MROH1: variants seen among roughly 807,000 people sequenced by gnomAD.
The protein encoded by MROH1 is maestro heat-like repeat-containing protein family member 1.
Under a neutral mutation model 116.5 loss-of-function variants are expected in MROH1, and 117 were observed. The ratio of observed to expected loss-of-function variants is 1.00; its 90% CI spans 0.86 to 1.17. MROH1 has a LOEUF of 1.17. MROH1 is among the 50% of genes most tolerant of loss of function. MROH1 has a pLI of 0.00. For synonymous variants in MROH1, 921 were observed against 583.9 expected (o/e 1.58, Z -8.32); for missense variants, 1,873 against 1,338.5 (o/e 1.40, Z -6.23).
intron 1 of MROH1, among the ~76,000 whole-genome samples, chr8:144,151,832 A>G (rs1816873638): frequency 6.6e-6 from 1 of 152,202 alleles, no homozygotes; most frequent in Non-Finnish European, 1.5e-5. Flanking sequence ...AGCAATTCGC[A>G]CCAACGTCAC....
intron 14 of MROH1, among the ~76,000 whole-genome samples, chr8:144,229,514 G>T (rs1221767311): frequency 2.0e-5 from 3 of 151,578 alleles, no homozygotes; most frequent in Non-Finnish European, 4.4e-5. Flanking sequence ...TGAGTAGCTG[G>T]GACTACAGGC....
rs894732784 is a variant in MROH1, at chr8:144,152,555, A to T, written c.-177+4479A>T. 2.2e-3 allele frequency among the ~76,000 whole-genome samples: 289 copies of T among 130,566 alleles called. 1 individual carries two copies. The highest frequency in any genetic ancestry group is 4.6e-3 in the Admixed American group (59 of 12,964). The allele number at this position is 130,566 out of a possible 152,430, so 85.7% of individuals were successfully genotyped here. ...AGGCGTGTGAAAAATTATTATTATT[A>T]TTTTTTTTTTTGAGACAGTCTCGCT... On this transcript the variant is annotated intron_variant, in intron 1 of 43. Coordinates refer to ENST00000326134, the MANE Select transcript of MROH1 (RefSeq NM_032450.3).
chr8:144,239,873 T>C, intron 18 of MROH1, 118 bp downstream of exon 18: 1 of 678,112 alleles, frequency 1.5e-6, no homozygotes, highest in Non-Finnish European at 2.7e-6. Flanking sequence ...CAATGGGGAC[T>C]AGGGTTGTAT....
intron 33 of MROH1, chr8:144,251,978 C>T: frequency 4.3e-6 from 1 of 230,206 alleles, no homozygotes. Flanking sequence ...CCCATCCTTC[C>T]TCTGCCGGGC....
In MROH1 at chr8:144,186,748, C is replaced by T. The variant is rs1032555612; in HGVS notation, c.563-4036C>T. Among the ~76,000 whole-genome samples, 27 of 152,188 alleles carry T rather than the reference C, an allele frequency of 1.8e-4. 1 individual carries two copies. Among genetic ancestry groups the T allele is most frequent in the Admixed American group, 1.4e-3 (21 of 15,276 alleles). ...TGGGAGGGTGGGCCCTCACACTGATCGACATAAGAAGGGAAACCACATGGC... is the reference window on the plus strand; with the variant it reads ...TGGGAGGGTGGGCCCTCACACTGATTGACATAAGAAGGGAAACCACATGGC... On this transcript the variant is annotated intron_variant, in intron 7 of 43. Coordinates refer to ENST00000326134, the MANE Select transcript of MROH1 (RefSeq NM_032450.3).
intron 12 of MROH1, among the ~76,000 whole-genome samples, chr8:144,212,561 T>G (rs1272680197): frequency 1.3e-5 from 2 of 149,010 alleles, no homozygotes; most frequent in African/African-American, 2.5e-5. Context: ...CCTCAGAGAT[T>G]TTTACCTCTC....
intron 43 of MROH1, 55 bp from the exon 44 acceptor site, chr8:144,261,600 G>A: frequency 1.4e-6 from 1 of 701,256 alleles, no homozygotes; most frequent in Non-Finnish European, 2.6e-6. Flanking sequence ...CCCACGCGCA[G>A]GCATGGGCAT....
intron 12 of MROH1, among the ~76,000 whole-genome samples, chr8:144,206,787 C>T (rs576804352): frequency 2.6e-5 from 4 of 151,192 alleles, no homozygotes; most frequent in African/African-American, 9.7e-5. Flanking sequence ...AATCCCAGAA[C>T]TTTGCGAGGC....
Position 144,190,778 on chromosome 8 carries a change from T to C in MROH1, c.563-6T>C, listed in dbSNP as rs375779930. The C allele has an allele frequency of 4.3e-6, 7 of 1,612,094 alleles. No homozygotes were observed. Among genetic ancestry groups the C allele is most frequent in the Non-Finnish European group, 5.9e-6 (7 of 1,178,846 alleles). ...TGCAGCCACTTACCACTGGCCGGTT[T>C]TGTAGCTCTGCAGCGCTTCAGCGAG... is the stretch of plus-strand genomic sequence containing the variant. On this transcript the variant is annotated splice_polypyrimidine_tract_variant and splice_region_variant and intron_variant, in intron 7 of 43. Transcript: ENST00000326134.
intron 3 of MROH1, among the ~76,000 whole-genome samples, chr8:144,165,125 A>AC (rs1820484440): frequency 6.9e-6 from 1 of 145,888 alleles, no homozygotes; most frequent in South Asian, 2.2e-4. Context: ...CACCCAGCTA[A>AC]TTTTTTTTTT....
intron 8 of MROH1, 63 bp from the exon 9 acceptor site, chr8:144,191,652 C>T: frequency 6.3e-7 from 1 of 1,586,460 alleles, no homozygotes; most frequent in Non-Finnish European, 8.6e-7. Context: ...GCTTGCTGGA[C>T]ATGCTCTGAG....
intron 1 of MROH1, among the ~76,000 whole-genome samples, chr8:144,154,211 C>T (rs1817520425): frequency 6.6e-6 from 1 of 151,968 alleles, no homozygotes; most frequent in African/African-American, 2.4e-5. Flanking sequence ...ATTACAGGCA[C>T]GTGCCACCAC....
chr8:144,252,909 T>C (rs1459711522), intron 33 of MROH1, among the ~76,000 whole-genome samples: 11 of 151,908 alleles, frequency 7.2e-5, no homozygotes, highest in African/African-American at 2.7e-4. Context: ...TGAGCCATGA[T>C]TGGGCCATTG....
intron 3 of MROH1, among the ~76,000 whole-genome samples, chr8:144,167,426 G>A (rs1467733613): frequency 1.5e-5 from 2 of 129,198 alleles, no homozygotes; most frequent in African/African-American, 3.7e-5. Flanking sequence ...TGGAGTGGCC[G>A]GTTGTTGGGT....
intron 7 of MROH1, among the ~76,000 whole-genome samples, chr8:144,187,955 C>T (rs1459465016): frequency 6.6e-6 from 1 of 151,954 alleles, no homozygotes; most frequent in Admixed American, 6.6e-5. Context: ...TCAGGGTCCT[C>T]TTCCATGAGG....
intron 7 of MROH1, among the ~76,000 whole-genome samples, chr8:144,186,821 G>A (rs924941061): frequency 2.6e-5 from 4 of 152,202 alleles, no homozygotes; most frequent in Non-Finnish European, 5.9e-5. Context: ...GGCCGGGCGC[G>A]GTGGCTCACG....
intron 43 of MROH1, 152 bp from the exon 44 acceptor site, chr8:144,261,503 A>G (rs1387978902): frequency 2.9e-6 from 2 of 690,374 alleles, no homozygotes; most frequent in Non-Finnish European, 5.3e-6. Flanking sequence ...TAACTGTTCC[A>G]AAAGAGCTTA....
intron 7 of MROH1, among the ~76,000 whole-genome samples, chr8:144,185,099 T>C (rs1826625808): frequency 6.6e-6 from 1 of 152,156 alleles, no homozygotes; most frequent in Non-Finnish European, 1.5e-5. Flanking sequence ...GTCTTGTAGC[T>C]TTAGGGAAAC....
At chr8:144,253,899 C>G (rs983615366) in intron 33 of MROH1, among the ~76,000 whole-genome samples, 23 of 152,016 alleles carry the variant, frequency 1.5e-4, no homozygotes, top group African/African-American at 5.3e-4. Context: ...GTCCAGGAAG[C>G]CACTGCCTGC....
Sources: allele counts gnomAD v4.1 joint callset (sites outside exome capture counted in the v4.1 genomes callset), GRCh38; gene constraint gnomAD v4.1.1; transcripts MANE v1.5; gene names NCBI Gene and HGNC (gene_info 2026-07-23, HGNC 2026-07-21).